JAZF1: variants seen among roughly 807,000 people sequenced by gnomAD.
JAZF1 encodes JAZF zinc finger 1, also known as juxtaposed with another zinc finger protein 1.
Under a neutral mutation model 26.4 loss-of-function variants are expected in JAZF1, and 8 were observed. The observed-to-expected ratio is 0.30, with a 90% CI of 0.18 to 0.55. The LOEUF is 0.55. Ranked by LOEUF, JAZF1 falls within the 20% of genes least tolerant of loss-of-function variation. The pLI is 0.94. For missense variants in JAZF1, 199 were observed against 322.0 expected (o/e 0.62, Z 2.92); for synonymous variants, 126 against 122.3 (o/e 1.03, Z -0.20).
intron 1 of JAZF1, among the ~76,000 whole-genome samples, chr7:28,117,012 C>A (rs1032041348): frequency 6.6e-6 from 1 of 152,106 alleles, no homozygotes; most frequent in African/African-American, 2.4e-5. Context: ...TTAGTAGAGG[C>A]AGGGTTTCAC....
At chr7:28,179,068 G>A (rs745824211) in intron 1 of JAZF1, among the ~76,000 whole-genome samples, 1 of 152,184 alleles carries the variant, frequency 6.6e-6, no homozygotes, top group Non-Finnish European at 1.5e-5. Context: ...CACAGCAGTC[G>A]TGATTTATTC....
At chr7:27,889,205 G>T (rs565520964) in intron 3 of JAZF1, among the ~76,000 whole-genome samples, 1 of 152,230 alleles carries the variant, frequency 6.6e-6, no homozygotes, top group Admixed American at 6.5e-5. Context: ...TGTGGGTGGA[G>T]CCCAGGCAGA....
At chr7:28,150,629 G>A (rs1783098023) in intron 1 of JAZF1, among the ~76,000 whole-genome samples, 2 of 152,218 alleles carry the variant, frequency 1.3e-5, no homozygotes, top group African/African-American at 4.8e-5. Context: ...ATGACTACAG[G>A]GCACAGGAAG....
chr7:28,146,267 A>G (rs887946536), intron 1 of JAZF1, among the ~76,000 whole-genome samples: 1 of 152,220 alleles, frequency 6.6e-6, no homozygotes, highest in Non-Finnish European at 1.5e-5. Flanking sequence ...TTGACTGTAA[A>G]AGATTAGAAC....
At chr7:27,897,040 A>C (rs775427461) in intron 2 of JAZF1, among the ~76,000 whole-genome samples, 1 of 152,132 alleles carries the variant, frequency 6.6e-6, no homozygotes, top group Non-Finnish European at 1.5e-5. Context: ...ATAAACCTCT[A>C]CTAAAAATAC....
rs78580027 is a variant in JAZF1, at chr7:28,078,919, T to A, written c.116-86938A>T. ...GAACTAGAATAACTGACTTTTAGAATTGGTAGGGACCTGAGATGCCACATT... is the reference window on the plus strand; with the variant it reads ...GAACTAGAATAACTGACTTTTAGAAATGGTAGGGACCTGAGATGCCACATT... On this transcript the variant is annotated intron_variant, in intron 1 of 4. Coordinates refer to ENST00000283928, the MANE Select transcript of JAZF1 (RefSeq NM_175061.4). 0.023 allele frequency among the ~76,000 whole-genome samples: 3,441 copies of A among 152,262 alleles called. 225 individuals carry two copies. In the East Asian group the frequency reaches 0.27, roughly 12 times the overall value.
chr7:28,177,000 C>A (rs1783559509), intron 1 of JAZF1, among the ~76,000 whole-genome samples: 1 of 152,116 alleles, frequency 6.6e-6, no homozygotes, highest in African/African-American at 2.4e-5. Flanking sequence ...AAGAAGCAAG[C>A]AAACCTGGAC....
At chr7:27,969,910 A>G (rs930780454) in intron 2 of JAZF1, among the ~76,000 whole-genome samples, 1 of 152,356 alleles carries the variant, frequency 6.6e-6, no homozygotes, top group African/African-American at 2.4e-5. Flanking sequence ...AGCAATCCAG[A>G]ATAATGATAA....
chr7:27,876,828 T>C (rs1783688265), intron 3 of JAZF1, among the ~76,000 whole-genome samples: 1 of 152,166 alleles, frequency 6.6e-6, no homozygotes, highest in Non-Finnish European at 1.5e-5. Context: ...TCCATTACTC[T>C]CCCTGGAGAG....
At chr7:28,155,523 G>A (rs186438816) in intron 1 of JAZF1, among the ~76,000 whole-genome samples, 44 of 152,310 alleles carry the variant, frequency 2.9e-4, no homozygotes, top group Admixed American at 2.6e-3. Context: ...GGCAAGAGGA[G>A]AAATTCAGAG....
intron 3 of JAZF1, among the ~76,000 whole-genome samples, chr7:27,873,978 C>T (rs995713557): frequency 1.4e-4 from 21 of 152,354 alleles, no homozygotes; most frequent in East Asian, 3.9e-4. Context: ...ATTTGCCAGG[C>T]GTGGGTTCTA....
intron 1 of JAZF1, among the ~76,000 whole-genome samples, chr7:28,036,315 T>C (rs1252565315): frequency 2.0e-5 from 3 of 152,248 alleles, no homozygotes; most frequent in Non-Finnish European, 2.9e-5. Context: ...ACTACTGACA[T>C]AGTAACAAAC....
intron 1 of JAZF1, among the ~76,000 whole-genome samples, chr7:28,075,514 T>C (rs866112973): frequency 6.6e-6 from 1 of 152,204 alleles, no homozygotes; most frequent in Admixed American, 6.5e-5. Flanking sequence ...CCATAAACAA[T>C]TTAGTATACT....
At chr7:27,966,892 T>C (rs531028736) in intron 2 of JAZF1, among the ~76,000 whole-genome samples, 2 of 152,308 alleles carry the variant, frequency 1.3e-5, no homozygotes, top group Non-Finnish European at 1.5e-5. Context: ...GTGGTTTAAC[T>C]TTCCAGCTGC....
chr7:27,861,586 G>T (rs904580139), intron 3 of JAZF1, among the ~76,000 whole-genome samples: 9 of 102,538 alleles, frequency 8.8e-5, no homozygotes, highest in African/African-American at 4.1e-4. Flanking sequence ...TCTTCTCTCT[G>T]TAAGGAGAAG....
At chr7:28,145,270 G>C (rs1023221622) in intron 1 of JAZF1, among the ~76,000 whole-genome samples, 1 of 152,198 alleles carries the variant, frequency 6.6e-6, no homozygotes, top group Non-Finnish European at 1.5e-5. Context: ...TGTGAGTCAA[G>C]GTTCACATGT....
At chr7:28,087,810 C>G (rs1415748967) in intron 1 of JAZF1, among the ~76,000 whole-genome samples, 1 of 152,122 alleles carries the variant, frequency 6.6e-6, no homozygotes, top group African/African-American at 2.4e-5. Flanking sequence ...CTAGATTTAT[C>G]TTTGTTTCCT....
At chr7:28,173,137 G>C (rs1461409123) in intron 1 of JAZF1, among the ~76,000 whole-genome samples, 2 of 152,228 alleles carry the variant, frequency 1.3e-5, no homozygotes, top group African/African-American at 4.8e-5. Flanking sequence ...AAACGGCAAG[G>C]AATGCGTTGT....
intron 1 of JAZF1, among the ~76,000 whole-genome samples, chr7:28,059,281 T>G (rs1256548193): frequency 6.6e-6 from 1 of 152,226 alleles, no homozygotes. Context: ...AAGATGATTC[T>G]TGGAAGCAGC....
Sources: gnomAD v4.1 joint callset for allele counts (sites outside exome capture counted in the v4.1 genomes callset) on GRCh38, gnomAD v4.1.1 for gene constraint, MANE v1.5 for transcripts, NCBI Gene and HGNC (gene_info 2026-07-23, HGNC 2026-07-21) for gene names.